FAM3B: variants seen among roughly 807,000 people sequenced by gnomAD.
The protein encoded by FAM3B is FAM3 metabolism regulating signaling molecule B, also known as protein FAM3B.
A neutral mutation model predicts 28.4 loss-of-function variants in FAM3B; 29 were observed. The observed-to-expected ratio is 1.02, with a 90% CI of 0.76 to 1.39. The LOEUF (loss-of-function observed/expected upper bound fraction) is 1.39, where lower values mean the gene tolerates loss of function less well. Among genes scored for constraint, FAM3B ranks in the 40% most tolerant of loss-of-function variants. The probability of loss-of-function intolerance (pLI) is 0.00; values close to 1 mark genes in which losing one functional copy is unlikely to be tolerated. For missense variants in FAM3B, 266 were observed against 293.9 expected (o/e 0.91, Z 0.69); for synonymous variants, 91 against 103.0 (o/e 0.88, Z 0.71).
intron 1 of FAM3B, among the ~76,000 whole-genome samples, chr21:41,322,172 A>G (rs370010088): frequency 8.6e-5 from 13 of 151,756 alleles, no homozygotes; most frequent in East Asian, 3.9e-4. Context: ...TGGGTTGCCA[A>G]TGAAAAGACA....
At chr21:41,356,024 C>G (rs1266178991) in intron 7 of FAM3B, among the ~76,000 whole-genome samples, 1 of 146,254 alleles carries the variant, frequency 6.8e-6, no homozygotes, top group African/African-American at 2.6e-5. Flanking sequence ...TACAAGGACT[C>G]TGGGAAAAAA....
At chr21:41,308,662 C>A (rs1172799033) in intron 1 of FAM3B, among the ~76,000 whole-genome samples, 1 of 151,450 alleles carries the variant, frequency 6.6e-6, no homozygotes, top group East Asian at 1.9e-4. Context: ...GCCCCAGCCT[C>A]CAGAGTAGCT....
chr21:41,304,325 G>A (rs1413901861), intron 1 of FAM3B: 1 of 455,988 alleles, frequency 2.2e-6, no homozygotes, highest in African/African-American at 2.0e-5. Context: ...GAGGACGCGG[G>A]GCTGGCGTGG....
chr21:41,315,061 A>G (rs775538948), upstream of FAM3B, among the ~76,000 whole-genome samples: 1 of 152,204 alleles, frequency 6.6e-6, no homozygotes, highest in Non-Finnish European at 1.5e-5. Context: ...ATGAATGAAT[A>G]AACAAAATGT....
intron 2 of FAM3B, among the ~76,000 whole-genome samples, chr21:41,337,396 G>A (rs1160198820): frequency 6.6e-6 from 1 of 152,216 alleles, no homozygotes; most frequent in Admixed American, 6.5e-5. Flanking sequence ...GGGCATGGGA[G>A]CCTCAGGGGT....
intron 2 of FAM3B, among the ~76,000 whole-genome samples, chr21:41,327,904 A>T (rs572123633): frequency 6.2e-4 from 95 of 152,332 alleles, no homozygotes; most frequent in African/African-American, 1.9e-3. Context: ...TCTGTGAGTA[A>T]GTGCACCACA....
chr21:41,322,746 C>A, intron 1 of FAM3B, 177 bp from the exon 2 acceptor site: 1 of 803,734 alleles, frequency 1.2e-6, no homozygotes, highest in Non-Finnish European at 2.2e-6. Context: ...ATACTGTCTA[C>A]TTCAAAGGTC....
intron 7 of FAM3B, among the ~76,000 whole-genome samples, chr21:41,349,802 C>T (rs1336917313): frequency 2.0e-5 from 3 of 151,730 alleles, no homozygotes; most frequent in African/African-American, 7.3e-5. Context: ...TCCGGAGGCC[C>T]GGAAACCATG....
At chr21:41,338,618 G>A (rs1261990156) in intron 3 of FAM3B, 117 bp downstream of exon 3, 2 of 1,383,806 alleles carry the variant, frequency 1.4e-6, no homozygotes, top group Non-Finnish European at 9.7e-7. Flanking sequence ...GTTGGTCTCA[G>A]GCAAAAGGCT....
At position 41,357,149 on chromosome 21, in the gene FAM3B, G is replaced by A. The variant is rs758658139; in HGVS notation, c.660G>A (p.Trp220Ter). The stretch of plus-strand genomic sequence containing the variant: ...CTAAGAACAACAGATATTCTGGCTG[G>A]CCTGCAGAGATCCAGATAGAAGGCT... Reference protein sequence around the residue: ...SDAKNNRYSGWPAEIQIEGCI... With the variant: ...SDAKNNRYSG Residue 220 changes from tryptophan to a stop codon, truncating the protein, a stop_gained, in exon 8 of 8, where the codon TGG becomes TGA. Coordinates refer to ENST00000357985, the MANE Select transcript of FAM3B (RefSeq NM_058186.4). LOFTEE classifies it high-confidence loss of function. The A allele has an allele frequency of 5.3e-5, 86 of 1,613,404 alleles. No homozygotes were observed. The highest frequency in any genetic ancestry group is 7.1e-5 in the Non-Finnish European group (84 of 1,179,708).
At chr21:41,350,558 C>CCCAGAT (rs747670392) in intron 7 of FAM3B, among the ~76,000 whole-genome samples, 33 of 152,344 alleles carry the variant, frequency 2.2e-4, no homozygotes, top group Middle Eastern at 3.4e-3. Flanking sequence ...CCACCCCAAA[C>CCCAGAT]CCAGATCCCT....
At chr21:41,335,407 C>T (rs778158429) in intron 2 of FAM3B, among the ~76,000 whole-genome samples, 6 of 152,192 alleles carry the variant, frequency 3.9e-5, no homozygotes, top group South Asian at 2.1e-4. Context: ...GTGGATTCCT[C>T]ACGAGTGGTT....
chr21:41,341,543 A>G (rs2089007336), intron 3 of FAM3B, among the ~76,000 whole-genome samples: 1 of 152,170 alleles, frequency 6.6e-6, no homozygotes, highest in African/African-American at 2.4e-5. Flanking sequence ...GCATTGCAAA[A>G]TACTGTTATT....
At chr21:41,350,750 G>T (rs1336856833) in intron 7 of FAM3B, among the ~76,000 whole-genome samples, 1 of 152,190 alleles carries the variant, frequency 6.6e-6, no homozygotes, top group African/African-American at 2.4e-5. Context: ...GGAGGCCCTG[G>T]TTTCACATAC....
chr21:41,338,456 G>T lies in FAM3B; in HGVS notation c.242G>T (p.Gly81Val), dbSNP rs2088975347. The change falls in exon 3 of 8, where the codon GGA becomes GTA. Residue 81 changes from glycine (G) to valine (V), a missense_variant. Coordinates refer to ENST00000357985, the MANE Select transcript of FAM3B (RefSeq NM_058186.4). ...ACCTATGCCTACAGGTTACTCAGCG[G>T]AGGTGGCAGAAGCAAGTACGCCAAA... ...SDTYAYRLLS[G>V]GGRSKYAKIC... 6.2e-7 allele frequency: 1 copy of T among 1,614,034 alleles called. No homozygotes were observed. Among genetic ancestry groups the T allele is most frequent in the Non-Finnish European group, 8.5e-7 (1 of 1,180,020 alleles).
chr21:41,350,642 C>T (rs1249851266), intron 7 of FAM3B, among the ~76,000 whole-genome samples: 2 of 152,220 alleles, frequency 1.3e-5, no homozygotes, highest in African/African-American at 4.8e-5. Context: ...AGGCTGTGCG[C>T]AGGACAACTG....
chr21:41,311,252 ATAT>A (rs1256351202), intron 1 of FAM3B, among the ~76,000 whole-genome samples: 478 of 21,414 alleles, frequency 0.022, 2 homozygotes, highest in Non-Finnish European at 0.031. Flanking sequence ...AAAAAAAAAA[ATAT>A]ATATATATAT....
chr21:41,346,895 TG>T, intron 5 of FAM3B, 117 bp from the exon 6 acceptor site: 1 of 882,140 alleles, frequency 1.1e-6, no homozygotes, highest in Non-Finnish European at 1.9e-6. Flanking sequence ...CAGCGAGCGC[TG>T]GGACCCCCAA....
chr21:41,325,492 A>G (rs2088847716), intron 2 of FAM3B, among the ~76,000 whole-genome samples: 1 of 152,230 alleles, frequency 6.6e-6, no homozygotes, highest in Non-Finnish European at 1.5e-5. Flanking sequence ...TATAGGAGTT[A>G]AAATGAGATC....
Sources: allele counts gnomAD v4.1 joint callset (sites outside exome capture counted in the v4.1 genomes callset), GRCh38; gene constraint gnomAD v4.1.1; transcripts MANE v1.5; gene names NCBI Gene and HGNC (gene_info 2026-07-23, HGNC 2026-07-21).